NAV2: variants seen among roughly 807,000 people sequenced by gnomAD.
NAV2 encodes helicase, APC down-regulated 1.
In NAV2, 54 loss-of-function variants were observed where a neutral mutation model predicts 223.2. The observed-to-expected ratio is 0.24, with a 90% CI of 0.19 to 0.30. The LOEUF (loss-of-function observed/expected upper bound fraction) is 0.30, where lower values mean the gene tolerates loss of function less well. NAV2 is among the 10% of genes least tolerant of loss of function. The probability of loss-of-function intolerance (pLI) is 1.00; values close to 1 mark genes in which losing one functional copy is unlikely to be tolerated. For synonymous variants in NAV2, 1,279 were observed against 1,239.3 expected, an observed-to-expected ratio of 1.03 and a Z score of -0.67; for missense variants, 2,806 against 3,147.5, an observed-to-expected ratio of 0.89 and a Z score of 2.60.
intron 1 of NAV2, among the ~76,000 whole-genome samples, chr11:19,720,079 G>T (rs1470788296): frequency 6.6e-6 from 1 of 152,254 alleles, no homozygotes; most frequent in Non-Finnish European, 1.5e-5. Flanking sequence ...AGGCATGGTT[G>T]TAATGAGAGC....
chr11:19,736,763 C>T (rs1465336754), intron 1 of NAV2, among the ~76,000 whole-genome samples: 1 of 152,226 alleles, frequency 6.6e-6, no homozygotes, highest in East Asian at 1.9e-4. Context: ...TGCTGTTCTA[C>T]ATGTTGATTA....
intron 11 of NAV2, among the ~76,000 whole-genome samples, chr11:19,994,552 GAA>G (rs1166444365): frequency 7.9e-5 from 5 of 63,010 alleles, no homozygotes; most frequent in African/African-American, 1.1e-4. Context: ...CTGTCTCAAA[GAA>G]AAAAAAAAAA....
At chr11:20,114,386 A>G in intron 36 of NAV2, 1 of 597,400 alleles carries the variant, frequency 1.7e-6, no homozygotes, top group Non-Finnish European at 3.0e-6. Context: ...CCTGTATTCT[A>G]GACCACTGGG....
intron 1 of NAV2, among the ~76,000 whole-genome samples, chr11:19,540,692 ACCCAAT>A (rs2134525733): frequency 6.6e-6 from 1 of 152,268 alleles, no homozygotes; most frequent in African/African-American, 2.4e-5. Flanking sequence ...GCTCCCCCTG[ACCCAAT>A]CCCTTTCTTG....
Position 19,713,708 on chromosome 11 carries a change from C to A in NAV2, c.13C>A (p.Leu5Met). The A allele has an allele frequency of 6.4e-7, 1 of 1,573,012 alleles. No individual in the cohort carries two copies. Among genetic ancestry groups the A allele is most frequent in the Non-Finnish European group, 8.7e-7 (1 of 1,155,324 alleles). MPAI[L>M]VASKMKSGLP... The stretch of plus-strand genomic sequence containing the variant: ...GCCCCGGGAGAAGATGCCGGCCATC[C>A]TGGTCGCCTCCAAAATGAAGTCGGG... The change falls in exon 1 of 38, where the codon CTG (leucine) becomes ATG (methionine). Residue 5 changes from leucine to methionine, a missense_variant. By Grantham distance (15) the Leu-to-Met change is conservative (BLOSUM62 2). Coordinates refer to ENST00000349880, the MANE Select transcript of NAV2 (RefSeq NM_145117.5). This position sits in a 1 kb window ranked among gnomAD's most constrained non-coding sequence, Gnocchi z 7.2.
intron 1 of NAV2, among the ~76,000 whole-genome samples, chr11:19,800,907 A>G (rs891496686): frequency 1.3e-4 from 20 of 152,318 alleles, no homozygotes; most frequent in African/African-American, 4.3e-4. Context: ...TAGACAAGGC[A>G]TGAGGCCAAA....
Position 19,713,591 on chromosome 11 carries a change from G to C in NAV2, c.-105G>C. 7.1e-7 allele frequency: 1 copy of C among 1,413,988 alleles called. No individual in the cohort carries two copies. Among genetic ancestry groups the C allele is most frequent in the Non-Finnish European group, 9.2e-7 (1 of 1,082,598 alleles). The allele number at this position is 1,413,988 out of a possible 1,614,324, so 87.6% of individuals were successfully genotyped here. A position where few individuals can be genotyped will look rare whatever the true frequency, so the allele number is the denominator to read the frequency against. The stretch of plus-strand genomic sequence containing the variant: ...TTTAGCCGCTGGTGGTGGGCGCCTC[G>C]TGGGCTAAGGCCCGGCGCCTGCTCT... On this transcript the variant is annotated 5_prime_UTR_variant, in exon 1 of 38. Transcript: ENST00000349880. The surrounding 1 kb of genome is among the most constrained non-coding windows in gnomAD (Gnocchi z 7.2).
At chr11:19,991,799 G>A (rs1565717715) in intron 11 of NAV2, among the ~76,000 whole-genome samples, 1 of 152,026 alleles carries the variant, frequency 6.6e-6, no homozygotes, top group Non-Finnish European at 1.5e-5. Flanking sequence ...CTTCCTTCAT[G>A]ACTTCTCTCG....
chr11:19,432,496 GA>G (rs556610703), intron 1 of NAV2, among the ~76,000 whole-genome samples: 2 of 152,132 alleles, frequency 1.3e-5, no homozygotes, highest in Non-Finnish European at 2.9e-5. Context: ...AGTATGTTGG[GA>G]AAAAAACCAC....
rs142120416 is a variant in NAV2 at position 19,378,261 on chromosome 11, G to A, written c.75+27234G>A. Among the ~76,000 whole-genome samples, 83 of 152,320 alleles carry A rather than the reference G, an allele frequency of 5.4e-4. 1 individual carries two copies. In the East Asian group the frequency reaches 0.015, roughly 28 times the overall value. On this transcript the variant is annotated intron_variant, in intron 1 of 37. Coordinates refer to the NAV2 transcript ENST00000360655. ...GGACTTTCAGGCAAGCAGAAAACAA[G>A]GAGTGAGCTTTTGGGGGTGCCCGCT...
intron 22 of NAV2, among the ~76,000 whole-genome samples, chr11:20,073,516 G>C (rs935972257): frequency 6.6e-6 from 1 of 152,166 alleles, no homozygotes; most frequent in Admixed American, 6.5e-5. Flanking sequence ...AATGGTACTA[G>C]ATCCTCTTTG....
At chr11:19,484,392 T>G (rs566002236) in intron 1 of NAV2, among the ~76,000 whole-genome samples, 1 of 152,318 alleles carries the variant, frequency 6.6e-6, no homozygotes, top group African/African-American at 2.4e-5. Context: ...CTCTGGCTGT[T>G]AGAAAGCATC....
intron 1 of NAV2, among the ~76,000 whole-genome samples, chr11:19,606,012 G>A (rs2046468535): frequency 6.6e-6 from 1 of 152,214 alleles, no homozygotes; most frequent in African/African-American, 2.4e-5. Flanking sequence ...CGGGATTAGT[G>A]AGGGGTCTGC....
intron 1 of NAV2, among the ~76,000 whole-genome samples, chr11:19,396,333 C>T (rs188980360): frequency 6.6e-6 from 1 of 152,238 alleles, no homozygotes; most frequent in Admixed American, 6.5e-5. Context: ...CAAACCCAAG[C>T]AGGGGCCCAA....
chr11:19,966,594 A>G lies in NAV2; in HGVS notation c.2645+17514A>G, dbSNP rs1414168351. Among the ~76,000 whole-genome samples the G allele has an allele frequency of 3.3e-5, 5 of 152,138 alleles. No individual in the cohort carries two copies. The South Asian group carries it at 8.3e-4, about 25-fold the overall frequency. On this transcript the variant is annotated intron_variant, in intron 10 of 37. Coordinates refer to ENST00000349880, the MANE Select transcript of NAV2 (RefSeq NM_145117.5). The stretch of plus-strand genomic sequence containing the variant: ...AGACGTTTTCCTTGATACAGACACC[A>G]TGCTCTTGTAACTGAGCCTTTGCAT...
At chr11:19,608,210 C>G (rs567268063) in intron 1 of NAV2, among the ~76,000 whole-genome samples, 141 of 152,342 alleles carry the variant, frequency 9.3e-4, no homozygotes, top group African/African-American at 3.3e-3. Context: ...ATAAACAGAA[C>G]TCATGCTTTC....
At chr11:19,657,713 T>C (rs1315710160) in intron 1 of NAV2, among the ~76,000 whole-genome samples, 1 of 152,158 alleles carries the variant, frequency 6.6e-6, no homozygotes, top group African/African-American at 2.4e-5. Flanking sequence ...GAAGATCATC[T>C]ACTGCTCTGC....
At chr11:19,980,425 G>A (rs1487196997) in intron 10 of NAV2, among the ~76,000 whole-genome samples, 1 of 152,208 alleles carries the variant, frequency 6.6e-6, no homozygotes, top group Non-Finnish European at 1.5e-5. Context: ...TGGCATGGGT[G>A]TTCTGAGATT....
rs772853552 is a variant in NAV2 at position 20,068,435 on chromosome 11, A to G, written c.4983+37A>G. 1.3e-5 allele frequency: 19 copies of G among 1,494,762 alleles called. No individual in the cohort carries two copies. The East Asian group carries it at 4.3e-4, about 34-fold the overall frequency. 92.6% of individuals were successfully genotyped at this position (1,494,762 alleles called of 1,614,324 possible). On this transcript the variant is annotated intron_variant, in intron 22 of 37. Transcript: ENST00000349880. Reference sequence around the variant, plus strand: ...CATAGGGCAGTAGCATCGGGACAGGAAGCACCATCCTTGCCTTCTGAACAG... The same window carrying G: ...CATAGGGCAGTAGCATCGGGACAGGGAGCACCATCCTTGCCTTCTGAACAG...
Sources: gnomAD v4.1 joint callset for allele counts (sites outside exome capture counted in the v4.1 genomes callset) on GRCh38, gnomAD v4.1.1 for gene constraint, Gnocchi (gnomAD v3.1) non-coding constraint, MANE v1.5 for transcripts, NCBI Gene and HGNC (gene_info 2026-07-23, HGNC 2026-07-21) for gene names.